TVP23C: variants seen among roughly 807,000 people sequenced by gnomAD.
TVP23C encodes the protein trans-golgi network vesicle protein 23 homolog C, also known as Golgi apparatus membrane protein TVP23 homolog C.
In TVP23C, 19 loss-of-function variants were observed where a neutral mutation model predicts 28.7. The ratio of observed to expected loss-of-function variants is 0.66; its 90% confidence interval spans 0.46 to 0.97. TVP23C has a LOEUF of 0.97. Among genes scored for constraint, TVP23C ranks in the 50% least tolerant of loss-of-function variants. TVP23C has a pLI of 0.00. For synonymous variants in TVP23C, 68 were observed against 81.7 expected, an observed-to-expected ratio of 0.83 and a Z score of 0.90; for missense variants, 186 against 241.3, an observed-to-expected ratio of 0.77 and a Z score of 1.52.
At chr17:15,558,532 C>G (rs1200701166) in intron 1 of TVP23C, among the ~76,000 whole-genome samples, 1 of 148,190 alleles carries the variant, frequency 6.7e-6, no homozygotes, top group Admixed American at 6.8e-5. Flanking sequence ...ATTACCCAGG[C>G]TGGTCAGATG....
At chr17:15,518,490 C>G (rs1982329762) in intron 5 of TVP23C, among the ~76,000 whole-genome samples, 2 of 152,196 alleles carry the variant, frequency 1.3e-5, no homozygotes, top group African/African-American at 2.4e-5. Context: ...ATCTGGAAAG[C>G]AGATGACAGC....
intron 5 of TVP23C, among the ~76,000 whole-genome samples, chr17:15,512,571 G>A (rs1409299442): frequency 6.6e-6 from 1 of 152,202 alleles, no homozygotes; most frequent in Non-Finnish European, 1.5e-5. Flanking sequence ...CAGTCCCCAA[G>A]TGGAAAGCAA....
intron 5 of TVP23C, among the ~76,000 whole-genome samples, chr17:15,507,707 C>T (rs1409476159): frequency 3.3e-5 from 5 of 151,984 alleles, no homozygotes; most frequent in Non-Finnish European, 7.4e-5. Context: ...GGTCTGGTGG[C>T]GGGTGCCTGT....
chr17:15,521,975 A>T (rs1005002005), intron 5 of TVP23C, among the ~76,000 whole-genome samples: 1 of 152,198 alleles, frequency 6.6e-6, no homozygotes, highest in African/African-American at 2.4e-5. Context: ...AAAGTTTCTT[A>T]TTGGGTGGGA....
rs143581721 is a variant in TVP23C, at chr17:15,502,900, G to A, written c.795C>T (p.Pro265=). ...CGGATGCCAGATGAAATTTTGGCCC[G>A]GGCTCACCAGTTCCTCTGCTATTGG... The change falls in exon 6 of 6, where the codon CCC becomes CCT. Residue 265 remains proline (P), a synonymous_variant. Coordinates refer to the TVP23C transcript ENST00000225576. 9.9e-4 allele frequency: 1,584 copies of A among 1,599,952 alleles called. 4 individuals carry two copies. Among genetic ancestry groups the A allele is most frequent in the Non-Finnish European group, 1.2e-3 (1,365 of 1,172,272 alleles).
In TVP23C at chr17:15,539,189, G is replaced by C; in HGVS notation, c.*1223C>G. On this transcript the variant is annotated 3_prime_UTR_variant, in exon 6 of 6. Coordinates refer to ENST00000518321, the MANE Select transcript of TVP23C (RefSeq NM_001135036.2). ...CTACTGAATAAGGAGTCTGGAGGTG[G>C]AACCCAGCAATCTTGTGCCCTCTAG... The C allele has an allele frequency of 1.0e-6, 1 of 961,654 alleles. No individual in the cohort carries two copies. Among genetic ancestry groups the C allele is most frequent in the Non-Finnish European group, 1.2e-6 (1 of 808,342 alleles). The allele number at this position is 961,654 out of a possible 1,614,324, so 59.6% of individuals were successfully genotyped here. A position where few individuals can be genotyped will look rare whatever the true frequency, so the allele number is the denominator to read the frequency against.
chr17:15,503,925 G>A (rs183227424), intron 5 of TVP23C, among the ~76,000 whole-genome samples: 41 of 149,792 alleles, frequency 2.7e-4, no homozygotes, highest in African/African-American at 9.7e-4. Context: ...GAAGGGCTGG[G>A]AAGGGTGGGA....
At chr17:15,508,133 G>A (rs945959333) in intron 5 of TVP23C, among the ~76,000 whole-genome samples, 1 of 152,176 alleles carries the variant, frequency 6.6e-6, no homozygotes, top group South Asian at 2.1e-4. Context: ...AGGCCAAGCT[G>A]CATATGCGTC....
At chr17:15,504,806 G>A (rs1454648618) in intron 5 of TVP23C, among the ~76,000 whole-genome samples, 1 of 152,180 alleles carries the variant, frequency 6.6e-6, no homozygotes, top group Non-Finnish European at 1.5e-5. Flanking sequence ...AAAGTGCTGA[G>A]ATTACAGGTG....
At chr17:15,562,179 C>A (rs2150866015) in intron 1 of TVP23C, 1 of 152,334 alleles carries the variant, frequency 6.6e-6, no homozygotes, top group Middle Eastern at 3.4e-3. Flanking sequence ...TTTCACTTTG[C>A]ACTGTGGACT....
intron 5 of TVP23C, among the ~76,000 whole-genome samples, chr17:15,505,856 G>C (rs937458669): frequency 1.3e-5 from 2 of 152,240 alleles, no homozygotes; most frequent in Non-Finnish European, 2.9e-5. Flanking sequence ...ACGGTGTACT[G>C]GGTCCCCCAG....
chr17:15,543,339 G>A (rs1417403528), intron 5 of TVP23C, among the ~76,000 whole-genome samples: 1 of 151,088 alleles, frequency 6.6e-6, no homozygotes, highest in African/African-American at 2.4e-5. Flanking sequence ...GTCACTGTAA[G>A]GATAAGCAAA....
chr17:15,548,818 G>A (rs1983760661), intron 3 of TVP23C, among the ~76,000 whole-genome samples: 4 of 152,144 alleles, frequency 2.6e-5, no homozygotes, highest in Admixed American at 1.3e-4. Flanking sequence ...TTTCCTATAA[G>A]TACATACCTA....
chr17:15,530,775 G>A (rs1169802380), intron 5 of TVP23C: 1 of 135,982 alleles, frequency 7.4e-6, no homozygotes, highest in Non-Finnish European at 1.6e-5. Context: ...TTTTTTTTGA[G>A]GGTGTCTCAC....
At chr17:15,548,184 G>C (rs1010911760) in intron 3 of TVP23C, among the ~76,000 whole-genome samples, 1 of 151,460 alleles carries the variant, frequency 6.6e-6, no homozygotes, top group South Asian at 2.1e-4. Flanking sequence ...TTTTGTTTTT[G>C]AGACAGAGTT....
At position 15,539,051 on chromosome 17, in the gene TVP23C, A is replaced by G. The variant is rs962361668; in HGVS notation, c.*1361T>C. The G allele has an allele frequency of 1.0e-6, 1 of 984,972 alleles. No individual in the cohort carries two copies. Among genetic ancestry groups the G allele is most frequent in the African/African-American group, 1.7e-5 (1 of 57,204 alleles). The allele number at this position is 984,972 out of a possible 1,614,324, so 61.0% of individuals were successfully genotyped here. On this transcript the variant is annotated 3_prime_UTR_variant, in exon 6 of 6. Coordinates refer to ENST00000518321, the MANE Select transcript of TVP23C (RefSeq NM_001135036.2). ...CTATTAGCTGTATAATCTTAAGTAA[A>G]TAATTTAATTTCTCGGGGCTTTAGT...
chr17:15,525,701 C>T (rs71367507), intron 5 of TVP23C, among the ~76,000 whole-genome samples: 17,229 of 152,138 alleles, frequency 0.11, 1,129 homozygotes, highest in Middle Eastern at 0.18. Context: ...TGCATGCACG[C>T]GTGTGCATGC....
At chr17:15,504,743 C>T (rs1217680962) in intron 5 of TVP23C, among the ~76,000 whole-genome samples, 1 of 152,018 alleles carries the variant, frequency 6.6e-6, no homozygotes, top group Admixed American at 6.6e-5. Context: ...ACTATTTGGC[C>T]CAGCTTGGTC....
At chr17:15,560,230 T>A (rs1984319505) in intron 1 of TVP23C, among the ~76,000 whole-genome samples, 1 of 148,770 alleles carries the variant, frequency 6.7e-6, no homozygotes, top group African/African-American at 2.4e-5. Flanking sequence ...CACCCCCAGG[T>A]AATTTTTGTA....
Sources: allele counts gnomAD v4.1 joint callset (sites outside exome capture counted in the v4.1 genomes callset), GRCh38; gene constraint gnomAD v4.1.1; transcripts MANE v1.5; gene names NCBI Gene and HGNC (gene_info 2026-07-23, HGNC 2026-07-21).